RORA: variants seen among roughly 807,000 people sequenced by gnomAD.
The protein encoded by RORA is RAR related orphan receptor A, also known as nuclear receptor ROR-alpha.
RORA carries 7 observed loss-of-function variants against 69.5 expected under a neutral mutation model. That is an observed-to-expected ratio of 0.10 (90% CI 0.06 to 0.19). The LOEUF (loss-of-function observed/expected upper bound fraction) is 0.19, where lower values mean the gene tolerates loss of function less well. RORA is among the 10% of genes least tolerant of loss of function. RORA has a pLI of 1.00. For missense variants in RORA, 457 were observed against 663.0 expected (o/e 0.69, Z 3.41); for synonymous variants, 261 against 240.8 (o/e 1.08, Z -0.78).
intron 2 of RORA, among the ~76,000 whole-genome samples, chr15:60,576,712 G>A (rs1236954735): frequency 3.3e-5 from 5 of 152,222 alleles, no homozygotes; most frequent in African/African-American, 1.2e-4. Flanking sequence ...CTTGGAGAAG[G>A]TCTGAGGGGG....
At chr15:61,198,549 G>A (rs540598261) in intron 1 of RORA, among the ~76,000 whole-genome samples, 65 of 152,132 alleles carry the variant, frequency 4.3e-4, no homozygotes, top group Non-Finnish European at 2.2e-4. Context: ...TTTCAAGGAC[G>A]ACTGTAGGAA....
chr15:60,890,445 G>A (rs986557860), intron 1 of RORA, among the ~76,000 whole-genome samples: 4 of 152,170 alleles, frequency 2.6e-5, no homozygotes, highest in African/African-American at 7.2e-5. Context: ...CACCATCTCC[G>A]CTTTTCTCTT....
At chr15:61,212,104 T>C (rs1335528226) in intron 1 of RORA, among the ~76,000 whole-genome samples, 1 of 152,148 alleles carries the variant, frequency 6.6e-6, no homozygotes, top group Non-Finnish European at 1.5e-5. Flanking sequence ...TCCTACGAAG[T>C]CTTCCTCCCA....
At chr15:60,542,486 C>T (rs996769268) in intron 2 of RORA, among the ~76,000 whole-genome samples, 4 of 148,368 alleles carry the variant, frequency 2.7e-5, no homozygotes, top group Admixed American at 2.0e-4. Flanking sequence ...ACAGGCGCAC[C>T]TCACACGGCA....
chr15:60,784,011 C>T (rs186204415), intron 1 of RORA, among the ~76,000 whole-genome samples: 14 of 152,334 alleles, frequency 9.2e-5, no homozygotes, highest in East Asian at 3.9e-4. Context: ...TTTACATCAA[C>T]GGCTTCCACA....
intron 1 of RORA, among the ~76,000 whole-genome samples, chr15:60,949,331 G>A (rs1394938710): frequency 1.3e-5 from 2 of 152,094 alleles, no homozygotes; most frequent in East Asian, 1.9e-4. Flanking sequence ...AAATCAGGCT[G>A]TTTATCAGCA....
intron 2 of RORA, chr15:60,592,725 G>A: frequency 9.2e-7 from 1 of 1,087,944 alleles, no homozygotes; most frequent in Non-Finnish European, 1.1e-6. Flanking sequence ...CGGCGGCTCT[G>A]CTGGCCCACC....
At chr15:60,940,941 A>T (rs1298876345) in intron 1 of RORA, among the ~76,000 whole-genome samples, 1 of 152,206 alleles carries the variant, frequency 6.6e-6, no homozygotes, top group Non-Finnish European at 1.5e-5. Context: ...AAATAAATAA[A>T]TAATCATAAT....
At chr15:61,163,641 C>T (rs532268747) in intron 1 of RORA, among the ~76,000 whole-genome samples, 2 of 152,158 alleles carry the variant, frequency 1.3e-5, no homozygotes, top group African/African-American at 2.4e-5. Flanking sequence ...CAGGTGACAT[C>T]GAAGCAGTGG....
chr15:60,790,669 A>G (rs1157540282), intron 1 of RORA, among the ~76,000 whole-genome samples: 2 of 152,158 alleles, frequency 1.3e-5, no homozygotes, highest in Non-Finnish European at 2.9e-5. Flanking sequence ...GAAGGAGAGG[A>G]GCTGAAGACC....
At chr15:60,595,144 C>T (rs945098786) in intron 2 of RORA, among the ~76,000 whole-genome samples, 1 of 152,014 alleles carries the variant, frequency 6.6e-6, no homozygotes, top group Non-Finnish European at 1.5e-5. Flanking sequence ...AGGGACATCT[C>T]CCTTCAATAA....
At chr15:60,517,004 C>T (rs1033631868) in intron 3 of RORA, among the ~76,000 whole-genome samples, 6 of 150,014 alleles carry the variant, frequency 4.0e-5, no homozygotes, top group Non-Finnish European at 7.4e-5. Context: ...AAAAAAAGGA[C>T]ACCCATATAT....
At chr15:60,934,550 G>T (rs1221129993) in intron 1 of RORA, among the ~76,000 whole-genome samples, 1 of 152,060 alleles carries the variant, frequency 6.6e-6, no homozygotes, top group African/African-American at 2.4e-5. Flanking sequence ...ACCCAGGCTG[G>T]TCTGGTCTTG....
At chr15:60,857,106 C>T (rs933805089) in intron 1 of RORA, among the ~76,000 whole-genome samples, 1 of 152,098 alleles carries the variant, frequency 6.6e-6, no homozygotes, top group Non-Finnish European at 1.5e-5. Flanking sequence ...ACTTAGTTGG[C>T]ACCTATAAGG....
chr15:60,561,071 G>GT (rs1327292946), intron 2 of RORA, among the ~76,000 whole-genome samples: 2,488 of 110,388 alleles, frequency 0.023, 34 homozygotes, highest in Non-Finnish European at 0.031. Context: ...TTTTTTTTTT[G>GT]TTTTGTTTTT....
chr15:60,497,825 G>A (rs1026398320), intron 10 of RORA, among the ~76,000 whole-genome samples: 1 of 152,072 alleles, frequency 6.6e-6, no homozygotes, highest in African/African-American at 2.4e-5. Flanking sequence ...TTGGGAGGCC[G>A]AGGCGGTTGG....
At chr15:61,099,726 C>G (rs938928542) in intron 1 of RORA, among the ~76,000 whole-genome samples, 2 of 152,204 alleles carry the variant, frequency 1.3e-5, no homozygotes, top group Admixed American at 6.5e-5. Context: ...TTAATGGCAA[C>G]TCCTTGAGGA....
chr15:60,793,113 G>C (rs79463260), intron 1 of RORA, among the ~76,000 whole-genome samples: 1 of 151,942 alleles, frequency 6.6e-6, no homozygotes, highest in African/African-American at 2.4e-5. Flanking sequence ...TTAACTTCTT[G>C]GTGTTTTAGT....
At chr15:60,737,191 G>A (rs1417249695) in intron 1 of RORA, among the ~76,000 whole-genome samples, 1 of 152,176 alleles carries the variant, frequency 6.6e-6, no homozygotes, top group Admixed American at 6.5e-5. Context: ...ACAATCAGGT[G>A]GATCATGTTG....
Sources: allele counts gnomAD v4.1 joint callset (sites outside exome capture counted in the v4.1 genomes callset), GRCh38; gene constraint gnomAD v4.1.1; transcripts MANE v1.5; gene names NCBI Gene and HGNC (gene_info 2026-07-23, HGNC 2026-07-21).